Variants in PPP4R3A observed in about 807,000 individuals in gnomAD.
PPP4R3A encodes the protein serine/threonine-protein phosphatase 4 regulatory subunit 3A.
Under a neutral mutation model 91.7 loss-of-function variants are expected in PPP4R3A, and 15 were observed. The observed-to-expected ratio is 0.16, with a 90% CI of 0.11 to 0.25. The LOEUF is 0.25. Among genes scored for constraint, PPP4R3A ranks in the 10% least tolerant of loss-of-function variants. The pLI is 1.00. For synonymous variants in PPP4R3A, 377 were observed against 348.7 expected, an observed-to-expected ratio of 1.08 and a Z score of -0.91; for missense variants, 623 against 998.4, an observed-to-expected ratio of 0.62 and a Z score of 5.07.
In PPP4R3A at chr14:91,476,910, A is replaced by C; in HGVS notation, c.992T>G (p.Leu331Trp). 1 of 1,589,838 alleles carries C rather than the reference A, an allele frequency of 6.3e-7. No individual in the cohort carries two copies. Among genetic ancestry groups the C allele is most frequent in the Non-Finnish European group, 8.6e-7 (1 of 1,166,554 alleles). Residue 331 changes from leucine to tryptophan, a missense_variant and splice_region_variant, in exon 5 of 15, where the codon TTG becomes TGG. Transcript: ENST00000554943. Reference sequence around the variant, plus strand: ...CTTTCATAGTATCTAATTTCTTACCAATTCCTGTCTTTTTTCCTCATCTGT... The same window carrying C: ...CTTTCATAGTATCTAATTTCTTACCCATTCCTGTCTTTTTTCCTCATCTGT... ...EATDEEKRQELVNFLKEFCAF... is the reference protein window; with the variant it reads ...EATDEEKRQEWVNFLKEFCAF...
At chr14:91,466,851 A>C (rs532638772) in intron 10 of PPP4R3A, among the ~76,000 whole-genome samples, 10 of 152,208 alleles carry the variant, frequency 6.6e-5, no homozygotes, top group South Asian at 4.1e-4. Context: ...ACCACATTTT[A>C]AACTTGTAAT....
chr14:91,478,649 C>A (rs1811636338), intron 4 of PPP4R3A, among the ~76,000 whole-genome samples: 1 of 152,172 alleles, frequency 6.6e-6, no homozygotes, highest in African/African-American at 2.4e-5. Context: ...CAAGAAAACA[C>A]AGAAGTGACA....
At chr14:91,505,641 AAAT>A (rs1268587507) in intron 1 of PPP4R3A, among the ~76,000 whole-genome samples, 1 of 152,222 alleles carries the variant, frequency 6.6e-6, no homozygotes, top group African/African-American at 2.4e-5. Context: ...TGTTCTAAAG[AAAT>A]AATCTGAAAA....
At chr14:91,493,398 C>T (rs1890345603) in intron 1 of PPP4R3A, among the ~76,000 whole-genome samples, 1 of 150,624 alleles carries the variant, frequency 6.6e-6, no homozygotes, top group Admixed American at 6.6e-5. Context: ...AAGAGACAGG[C>T]AGGAGGATCT....
chr14:91,472,319 G>A (rs1394452134), intron 9 of PPP4R3A, among the ~76,000 whole-genome samples: 1 of 152,034 alleles, frequency 6.6e-6, no homozygotes, highest in Non-Finnish European at 1.5e-5. Flanking sequence ...AATTTAAAAT[G>A]AATTTTTTCA....
chr14:91,498,932 A>G (rs1246580543), intron 1 of PPP4R3A, among the ~76,000 whole-genome samples: 1 of 150,664 alleles, frequency 6.6e-6, no homozygotes, highest in Non-Finnish European at 1.5e-5. Context: ...AAAAAAAAAA[A>G]AAGAAGCCTG....
chr14:91,481,642 T>C lies in PPP4R3A; in HGVS notation c.849A>G (p.Glu283=). The C allele has an allele frequency of 1.9e-6, 3 of 1,608,162 alleles. No homozygotes were observed. Among genetic ancestry groups the C allele is most frequent in the Non-Finnish European group, 2.5e-6 (3 of 1,178,628 alleles). Residue 283 remains glutamate (E), a synonymous_variant, in exon 4 of 15, where the codon GAA becomes GAG. Coordinates refer to ENST00000554943, the MANE Select transcript of PPP4R3A (RefSeq NM_001366432.2). ...MVLPTPSVFE[E]NMLSTLHSFI... The stretch of plus-strand genomic sequence containing the variant: ...AAGAGTGAAGTGTTGATAACATGTT[T>C]TCTTCAAAGACCGAAGGAGTTGGTA...
chr14:91,497,559 G>C (rs55778287), intron 1 of PPP4R3A, among the ~76,000 whole-genome samples: 5,386 of 152,300 alleles, frequency 0.035, 147 homozygotes, highest in Non-Finnish European at 0.054. Flanking sequence ...AGTACAATTA[G>C]ATCTGCCACT....
chr14:91,497,445 T>TC (rs1266270818), intron 1 of PPP4R3A, among the ~76,000 whole-genome samples: 2 of 150,984 alleles, frequency 1.3e-5, no homozygotes, highest in Non-Finnish European at 2.9e-5. Flanking sequence ...AATCCTACAC[T>TC]CCAATTCAAG....
Position 91,473,336 on chromosome 14 carries a change from A to G in PPP4R3A, c.1301T>C (p.Met434Thr), listed in dbSNP as rs1888965577. ...ILLINLIIEHMICDTDPELGG... is the reference protein window; with the variant it reads ...ILLINLIIEHTICDTDPELGG... ...AAGTTCAGGATCTGTATCACAAATC[A>G]TATGTTCTATAATGAGGTTGATGAG... Residue 434 changes from methionine (M) to threonine (T), a missense_variant, in exon 8 of 15, where the codon ATG becomes ACG. Met to Thr is a moderately conservative substitution (Grantham distance 81). Around this residue, in one of 5 missense-constraint regions of PPP4R3A, gnomAD observed 264 missense variants for 377.3 expected, o/e 0.70. Transcript: ENST00000554943. 3 of 1,614,036 alleles carry G rather than the reference A, an allele frequency of 1.9e-6. No individual in the cohort carries two copies. Among genetic ancestry groups the G allele is most frequent in the African/African-American group, 1.3e-5 (1 of 75,058 alleles).
chr14:91,507,109 C>G (rs1678021553), intron 1 of PPP4R3A, among the ~76,000 whole-genome samples: 1 of 151,222 alleles, frequency 6.6e-6, no homozygotes, highest in Non-Finnish European at 1.5e-5. Context: ...ACCTGAGGTA[C>G]AGAGTTCGAG....
intron 4 of PPP4R3A, among the ~76,000 whole-genome samples, chr14:91,477,726 G>C (rs905177781): frequency 1.3e-5 from 2 of 152,142 alleles, no homozygotes; most frequent in African/African-American, 4.8e-5. Context: ...TCGGCTCACT[G>C]CAACCTCCGC....
chr14:91,470,686 C>A (rs1595056647), intron 10 of PPP4R3A, 151 bp downstream of exon 10: 1 of 806,292 alleles, frequency 1.2e-6, no homozygotes, highest in Non-Finnish European at 1.9e-6. Flanking sequence ...AACACCTGCT[C>A]AACATGGCAA....
At position 91,509,859 on chromosome 14, in the gene PPP4R3A, C is replaced by G; in HGVS notation, c.-212G>C. 8.7e-7 allele frequency: 1 copy of G among 1,147,204 alleles called. No individual in the cohort carries two copies. The highest frequency in any genetic ancestry group is 1.1e-6 in the Non-Finnish European group (1 of 936,544). 71.1% of individuals were successfully genotyped at this position (1,147,204 alleles called of 1,614,324 possible). A position where few individuals can be genotyped will look rare whatever the true frequency, so the allele number is the denominator to read the frequency against. On this transcript the variant is annotated 5_prime_UTR_variant, in exon 1 of 15. Coordinates refer to ENST00000554943, the MANE Select transcript of PPP4R3A (RefSeq NM_001366432.2). The stretch of plus-strand genomic sequence containing the variant: ...CGCCGCCTTTCCTCGCCTCCGGCTC[C>G]CCGGCGCTATTGTCCAGGCCTGGCG...
At chr14:91,474,181 G>A (rs538999122) in intron 7 of PPP4R3A, among the ~76,000 whole-genome samples, 21 of 152,292 alleles carry the variant, frequency 1.4e-4, no homozygotes, top group African/African-American at 4.6e-4. Flanking sequence ...AAAATTATCT[G>A]AATGTCTGAA....
intron 1 of PPP4R3A, among the ~76,000 whole-genome samples, chr14:91,506,985 T>C (rs548372748): frequency 2.6e-5 from 4 of 152,200 alleles, no homozygotes; most frequent in African/African-American, 9.6e-5. Context: ...ACCTGCAAAA[T>C]GGAGGAAGAG....
At chr14:91,503,940 C>T (rs925061592) in intron 1 of PPP4R3A, among the ~76,000 whole-genome samples, 17 of 152,092 alleles carry the variant, frequency 1.1e-4, no homozygotes, top group South Asian at 2.1e-4. Flanking sequence ...AATCTATCTT[C>T]CTTAAAGAAA....
intron 1 of PPP4R3A, among the ~76,000 whole-genome samples, chr14:91,502,062 C>G (rs898929031): frequency 4.6e-5 from 7 of 151,848 alleles, no homozygotes; most frequent in Non-Finnish European, 1.0e-4. Flanking sequence ...GGTATGTGCT[C>G]CAAGTCCTTC....
At chr14:91,463,955 C>T (rs974336895) in intron 11 of PPP4R3A, among the ~76,000 whole-genome samples, 2 of 152,118 alleles carry the variant, frequency 1.3e-5, no homozygotes, top group Non-Finnish European at 2.9e-5. Flanking sequence ...TTGTTCCCTT[C>T]TTTATTTCCA....
Sources: gnomAD v4.1 joint callset for allele counts (sites outside exome capture counted in the v4.1 genomes callset) on GRCh38, gnomAD v4.1.1 for gene constraint, gnomAD v4.1.1 regional missense constraint, MANE v1.5 for transcripts, NCBI Gene and HGNC (gene_info 2026-07-23, HGNC 2026-07-21) for gene names.